RAD50: variants seen among roughly 807,000 people sequenced by gnomAD.
RAD50 encodes the protein DNA repair protein RAD50.
RAD50 carries 132 observed loss-of-function variants against 168.8 expected under a neutral mutation model. The observed-to-expected ratio is 0.78, with a 90% CI of 0.68 to 0.90. RAD50 has a LOEUF of 0.90. RAD50 is among the 40% of genes least tolerant of loss of function. RAD50 has a pLI of 0.00. For missense variants in RAD50, 1,347 were observed against 1,534.4 expected (o/e 0.88, Z 2.04); for synonymous variants, 525 against 497.4 (o/e 1.06, Z -0.74).
intron 19 of RAD50, among the ~76,000 whole-genome samples, chr5:132,615,480 G>A (rs183542704): frequency 5.6e-4 from 86 of 152,240 alleles, no homozygotes; most frequent in African/African-American, 2.0e-3. Flanking sequence ...CTTGGTACAT[G>A]TTGGGAGACA....
chr5:132,591,521 CTAAG>C, intron 10 of RAD50, 115 bp downstream of exon 10: 1 of 1,032,676 alleles, frequency 9.7e-7, no homozygotes, highest in Non-Finnish European at 1.5e-6. Context: ...ATTTTAGAGG[CTAAG>C]TGAGCTTAGT....
intron 13 of RAD50, among the ~76,000 whole-genome samples, chr5:132,601,261 G>A (rs1024583209): frequency 2.6e-5 from 4 of 152,138 alleles, no homozygotes; most frequent in African/African-American, 9.7e-5. Context: ...GCCTCCCAAA[G>A]TGCTCATATT....
intron 24 of RAD50, among the ~76,000 whole-genome samples, chr5:132,641,324 A>G (rs1373534221): frequency 1.3e-5 from 2 of 152,216 alleles, no homozygotes; most frequent in Non-Finnish European, 2.9e-5. Flanking sequence ...ACCTGGGGTC[A>G]GTGTAGACGC....
At chr5:132,604,190 C>A in intron 15 of RAD50, 144 bp downstream of exon 15, 2 of 975,072 alleles carry the variant, frequency 2.1e-6, no homozygotes, top group Admixed American at 2.3e-5. Flanking sequence ...TGAAAAGCAT[C>A]ACTTCTCTTT....
chr5:132,613,428 AT>A (rs1459559328), intron 19 of RAD50, among the ~76,000 whole-genome samples: 1 of 151,486 alleles, frequency 6.6e-6, no homozygotes, highest in African/African-American at 2.4e-5. Flanking sequence ...ACTGCATCTG[AT>A]TTTTTTTCCC....
chr5:132,573,216 C>G (rs568514411), intron 2 of RAD50, among the ~76,000 whole-genome samples: 2 of 152,292 alleles, frequency 1.3e-5, no homozygotes, highest in South Asian at 4.1e-4. Context: ...GTGTATTACT[C>G]CATTTTCACA....
chr5:132,608,304 A>G (rs989686648), intron 16 of RAD50, among the ~76,000 whole-genome samples: 4 of 152,220 alleles, frequency 2.6e-5, no homozygotes, highest in African/African-American at 9.6e-5. Flanking sequence ...GAATCAAATT[A>G]GTGGTTGATG....
intron 3 of RAD50, among the ~76,000 whole-genome samples, chr5:132,576,694 A>G (rs1750406137): frequency 6.6e-6 from 1 of 152,142 alleles, no homozygotes; most frequent in South Asian, 2.1e-4. Flanking sequence ...CTTCTCCTTT[A>G]TAGCCAGTCT....
intron 21 of RAD50, among the ~76,000 whole-genome samples, chr5:132,619,891 G>T (rs1297955018): frequency 2.5e-3 from 306 of 121,198 alleles, no homozygotes; most frequent in African/African-American, 0.011. Flanking sequence ...TATATAGAGA[G>T]AGAGAGAGAG....
chr5:132,631,420 T>C (rs1422415503), intron 21 of RAD50, among the ~76,000 whole-genome samples: 1 of 151,880 alleles, frequency 6.6e-6, no homozygotes, highest in Admixed American at 6.6e-5. Context: ...TCACCTGGCC[T>C]CTCACTTTAA....
rs1278182057 is a variant in RAD50 at position 132,644,319 on chromosome 5, C to G, written c.*1955C>G. 2 of 171,882 alleles carry G rather than the reference C, an allele frequency of 1.2e-5. No homozygotes were observed. The highest frequency in any genetic ancestry group is 2.5e-5 in the Non-Finnish European group (2 of 79,362). 10.6% of individuals were successfully genotyped at this position (171,882 alleles called of 1,614,324 possible). On this transcript the variant is annotated 3_prime_UTR_variant, in exon 25 of 25. Transcript: ENST00000378823. ...CCTTTCTGGCTTCTCATTGCTGCTT[C>G]TAGATCAGTCTCCAAATATCCCCCT... is the stretch of plus-strand genomic sequence containing the variant.
intron 21 of RAD50, among the ~76,000 whole-genome samples, chr5:132,632,848 C>CA (rs1273574555): frequency 2.6e-5 from 4 of 152,016 alleles, no homozygotes; most frequent in Non-Finnish European, 5.9e-5. Context: ...ATTGGCTGCA[C>CA]AAAAAAAGCT....
chr5:132,576,072 T>G, intron 3 of RAD50, 144 bp downstream of exon 3: 1 of 898,748 alleles, frequency 1.1e-6, no homozygotes, highest in Non-Finnish European at 1.6e-6. Flanking sequence ...TAGAGCAGTT[T>G]TGGGTTTATA....
intron 5 of RAD50, among the ~76,000 whole-genome samples, chr5:132,583,446 T>C (rs1324912235): frequency 6.6e-6 from 1 of 152,184 alleles, no homozygotes; most frequent in Non-Finnish European, 1.5e-5. Context: ...TTAGGACATA[T>C]GCATACAGTA....
Position 132,646,112 on chromosome 5 carries a change from A to AAAAAAAAAAAAAAAAAAAC in RAD50, c.*3749_*3750insAAAAAAAAAAAAAAAAACA, listed in dbSNP as rs1158915483. 6.6e-6 allele frequency: 1 copy of AAAAAAAAAAAAAAAAAAAC among 150,774 alleles called. No homozygotes were observed. Among genetic ancestry groups the AAAAAAAAAAAAAAAAAAAC allele is most frequent in the African/African-American group, 2.5e-5 (1 of 40,430 alleles). 9.3% of individuals were successfully genotyped at this position (150,774 alleles called of 1,614,324 possible). A position where few individuals can be genotyped will look rare whatever the true frequency, so the allele number is the denominator to read the frequency against. On this transcript the variant is annotated 3_prime_UTR_variant, in exon 25 of 25. Coordinates refer to ENST00000378823, the MANE Select transcript of RAD50 (RefSeq NM_005732.4). ...AAAGACAAAAAAAAAAAAAAAAAAAAAGCAGCAGCAGCTGAAAGTTGGCAG... is the reference window on the plus strand; with the variant it reads ...AAAGACAAAAAAAAAAAAAAAAAAAAAAAAAAAAAAAAAAAAAACAGCAGCAGCAGCTGAAAGTTGGCAG...
rs1751037826 is a variant in RAD50 at position 132,609,146 on chromosome 5, TATTC to T, written c.2862_2865del (p.Ile954MetfsTer4). The stretch of plus-strand genomic sequence containing the variant: ...ATGATATTAAAGAGAAGGTTAAAAA[TATTC>T]ATGGCTATATGAAAGACATTGAGAA... On this transcript the variant is annotated frameshift_variant, in exon 18 of 25. Transcript: ENST00000378823. LOFTEE classifies it high-confidence loss of function. The T allele has an allele frequency of 6.2e-7, 1 of 1,611,832 alleles. No homozygotes were observed. Among genetic ancestry groups the T allele is most frequent in the Non-Finnish European group, 8.5e-7 (1 of 1,179,046 alleles).
At chr5:132,608,771 C>T in intron 17 of RAD50, 46 bp downstream of exon 17, 13 of 1,541,946 alleles carry the variant, frequency 8.4e-6, no homozygotes, top group Non-Finnish European at 1.1e-5. Context: ...CTGTATTAAA[C>T]TTATGTTCAT....
rs10671829 is a variant in RAD50, at chr5:132,624,871, CAAAAAA to C, written c.3389+6594_3389+6599del. ...TGGGTGACAGAAAGAGACCCTGTCT[CAAAAAA>C]AAAAAAAAAAAAAAAATCACCAAAA... is the stretch of plus-strand genomic sequence containing the variant. On this transcript the variant is annotated intron_variant, in intron 21 of 24. Transcript: ENST00000378823. Among the ~76,000 whole-genome samples, 3 of 57,332 alleles carry C rather than the reference CAAAAAA, an allele frequency of 5.2e-5. No individual in the cohort carries two copies. In the South Asian group the frequency reaches 1.8e-3, roughly 35 times the overall value. 37.6% of individuals were successfully genotyped at this position (57,332 alleles called of 152,430 possible).
At chr5:132,628,862 A>C (rs1023777001) in intron 21 of RAD50, among the ~76,000 whole-genome samples, 1 of 152,112 alleles carries the variant, frequency 6.6e-6, no homozygotes, top group South Asian at 2.1e-4. Flanking sequence ...AAAAAAAAGA[A>C]AAAGAAATGG....
Sources: allele counts gnomAD v4.1 joint callset (sites outside exome capture counted in the v4.1 genomes callset), GRCh38; gene constraint gnomAD v4.1.1; transcripts MANE v1.5; gene names NCBI Gene and HGNC (gene_info 2026-07-23, HGNC 2026-07-21).